TRPM3: variants seen among roughly 807,000 people sequenced by gnomAD.
TRPM3 encodes transient receptor potential cation channel subfamily M member 3.
In TRPM3, 77 loss-of-function variants were observed where a neutral mutation model predicts 181.2. That is an observed-to-expected ratio of 0.42 (90% CI 0.35 to 0.51). The LOEUF (loss-of-function observed/expected upper bound fraction) is 0.51. Ranked by LOEUF, TRPM3 falls within the 20% of genes least tolerant of loss-of-function variation. TRPM3 has a pLI of 0.01. For missense variants in TRPM3, 1,759 were observed against 2,196.7 expected (o/e 0.80, Z 3.98); for synonymous variants, 745 against 796.4 (o/e 0.94, Z 1.09).
At position 70,839,893 on chromosome 9, in the gene TRPM3, A is replaced by T. The variant is rs188581054; in HGVS notation, c.801+3110T>A. ...AGGTTTATTTTTTGATGTTTATTAC[A>T]TGTGATTTTTATTATATAAAATGGA... On this transcript the variant is annotated intron_variant, in intron 5 of 25. Coordinates refer to ENST00000677713, the MANE Select transcript of TRPM3 (RefSeq NM_001366145.2). Among the ~76,000 whole-genome samples the T allele has an allele frequency of 7.2e-5, 11 of 152,260 alleles. No homozygotes were observed. The East Asian group carries it at 1.9e-3, about 27-fold the overall frequency.
At chr9:71,207,823 T>G (rs977602431) in intron 1 of TRPM3, among the ~76,000 whole-genome samples, 3 of 152,174 alleles carry the variant, frequency 2.0e-5, no homozygotes, top group African/African-American at 7.2e-5. Context: ...ACATAGACAG[T>G]TGCTATATTT....
At chr9:71,126,716 AT>A (rs1438993050) in intron 1 of TRPM3, among the ~76,000 whole-genome samples, 1 of 152,242 alleles carries the variant, frequency 6.6e-6, no homozygotes, top group Non-Finnish European at 1.5e-5. Flanking sequence ...TCCATATAAA[AT>A]AAAAATATCT....
At chr9:70,976,830 T>C (rs2097307403) in intron 1 of TRPM3, among the ~76,000 whole-genome samples, 2 of 152,172 alleles carry the variant, frequency 1.3e-5, no homozygotes, top group South Asian at 4.1e-4. Flanking sequence ...GTCTAGTGAC[T>C]GCCTCAAAAG....
intron 9 of TRPM3, among the ~76,000 whole-genome samples, chr9:70,673,666 C>T (rs761364677): frequency 9.9e-5 from 15 of 152,214 alleles, no homozygotes; most frequent in African/African-American, 2.4e-4. Context: ...CAGTGGCTCA[C>T]GCCTGTAATC....
chr9:70,549,680 G>GAAAA lies in TRPM3; in HGVS notation c.3575-10_3575-7dup. The GAAAA allele has an allele frequency of 2.4e-6, 3 of 1,247,058 alleles. No homozygotes were observed. Among genetic ancestry groups the GAAAA allele is most frequent in the African/African-American group, 1.6e-5 (1 of 62,194 alleles). The allele number at this position is 1,247,058 out of a possible 1,614,324, so 77.2% of individuals were successfully genotyped here. The stretch of plus-strand genomic sequence containing the variant: ...ATCATCGGTTATGAAGAGTTCTGTG[G>GAAAA]AAAAAAAAAAAAAGGAAGTCTTGAG... On this transcript the variant is annotated splice_region_variant and splice_polypyrimidine_tract_variant and intron_variant, in intron 24 of 25. Transcript: ENST00000677713.
At chr9:70,885,579 C>T (rs1285097993) in intron 1 of TRPM3, among the ~76,000 whole-genome samples, 2 of 152,160 alleles carry the variant, frequency 1.3e-5, no homozygotes, top group Non-Finnish European at 2.9e-5. Context: ...GGTCATTCCT[C>T]CTACTAGCCC....
chr9:70,901,415 G>A (rs1015906165), intron 1 of TRPM3, among the ~76,000 whole-genome samples: 29 of 152,014 alleles, frequency 1.9e-4, no homozygotes, highest in East Asian at 3.8e-4. Flanking sequence ...CTTACTTTGC[G>A]TAAGGGAAAT....
intron 1 of TRPM3, among the ~76,000 whole-genome samples, chr9:71,325,958 T>C: frequency 6.6e-6 from 1 of 152,230 alleles, no homozygotes; most frequent in East Asian, 1.9e-4. Flanking sequence ...GACTATCATT[T>C]CAGAAGATGT....
intron 6 of TRPM3, among the ~76,000 whole-genome samples, chr9:70,802,790 T>C (rs1226937240): frequency 2.6e-5 from 4 of 152,172 alleles, no homozygotes; most frequent in South Asian, 2.1e-4. Flanking sequence ...TTCACTGCAC[T>C]AGTAAAATTT....
At chr9:70,921,571 C>T (rs10123027) in intron 1 of TRPM3, among the ~76,000 whole-genome samples, 20,771 of 152,080 alleles carry the variant, frequency 0.14, 1,589 homozygotes, top group Non-Finnish European at 0.17. Context: ...GTTGTTACTC[C>T]CTTAGTGAAG....
At chr9:70,627,478 G>T (rs538846532) in intron 12 of TRPM3, among the ~76,000 whole-genome samples, 2 of 151,870 alleles carry the variant, frequency 1.3e-5, no homozygotes, top group East Asian at 3.9e-4. Context: ...TTGCCATGTT[G>T]GCCAGGCTAG....
At chr9:70,917,037 G>C (rs1456118257) in intron 1 of TRPM3, 8 of 1,580,786 alleles carry the variant, frequency 5.1e-6, no homozygotes, top group Non-Finnish European at 6.9e-6. Context: ...ATAGAGACTG[G>C]TATGTCGCTA....
At chr9:71,292,431 A>AT (rs1038519814) in intron 1 of TRPM3, among the ~76,000 whole-genome samples, 3 of 152,008 alleles carry the variant, frequency 2.0e-5, no homozygotes, top group Non-Finnish European at 2.9e-5. Context: ...AAAAATACTG[A>AT]TTTTTTTATA....
intron 11 of TRPM3, among the ~76,000 whole-genome samples, chr9:70,637,970 A>T (rs2057479482): frequency 6.6e-6 from 1 of 152,176 alleles, no homozygotes; most frequent in Admixed American, 6.5e-5. Context: ...ATGAACCTGC[A>T]CGTTCTGCAA....
chr9:70,922,790 T>A (rs1378111079), intron 1 of TRPM3, among the ~76,000 whole-genome samples: 1 of 152,198 alleles, frequency 6.6e-6, no homozygotes, highest in Non-Finnish European at 1.5e-5. Flanking sequence ...AGCTAAGTGG[T>A]CTCAGTCTCG....
intron 24 of TRPM3, among the ~76,000 whole-genome samples, chr9:70,552,535 G>T (rs1588268008): frequency 6.6e-6 from 1 of 152,316 alleles, no homozygotes; most frequent in Middle Eastern, 3.4e-3. Flanking sequence ...TTTGGGTTGA[G>T]ATCTCTGGAA....
chr9:71,084,689 C>T (rs914223581), intron 1 of TRPM3, among the ~76,000 whole-genome samples: 2 of 151,966 alleles, frequency 1.3e-5, no homozygotes, highest in Non-Finnish European at 2.9e-5. Context: ...ATTAAAATGG[C>T]CATGCTGCTT....
intron 8 of TRPM3, among the ~76,000 whole-genome samples, chr9:70,688,403 A>G (rs1054777543): frequency 6.6e-6 from 1 of 152,168 alleles, no homozygotes; most frequent in African/African-American, 2.4e-5. Context: ...CTGTCATCCG[A>G]GCAGTGTACA....
rs940536417 is a variant in TRPM3, at chr9:71,134,053, ATCTC to A, written c.184-269546_184-269543del. On this transcript the variant is annotated intron_variant, in intron 1 of 24. Coordinates refer to the TRPM3 transcript ENST00000357533. ...CGCGCGTGTCTGTGTTTGCATCTCA[ATCTC>A]TCTCTCATTACATTTTAAAGACTGA... Among the ~76,000 whole-genome samples the A allele has an allele frequency of 5.3e-5, 8 of 150,742 alleles. 1 individual carries two copies. In the East Asian group the frequency reaches 1.2e-3, roughly 22 times the overall value.
Sources: allele counts gnomAD v4.1 joint callset (sites outside exome capture counted in the v4.1 genomes callset), GRCh38; gene constraint gnomAD v4.1.1; transcripts MANE v1.5; gene names NCBI Gene and HGNC (gene_info 2026-07-23, HGNC 2026-07-21).